PCDHA6: variants seen among roughly 807,000 people sequenced by gnomAD.
The protein encoded by PCDHA6 is protocadherin alpha-6.
In PCDHA6, 55 loss-of-function variants were observed where a neutral mutation model predicts 60.3. The ratio of observed to expected loss-of-function variants is 0.91; its 90% CI spans 0.73 to 1.14. The LOEUF is 1.14. Ranked by LOEUF, PCDHA6 falls within the 50% of genes most tolerant of loss-of-function variation. The pLI is 0.00. For synonymous variants in PCDHA6, 652 were observed against 557.9 expected, an observed-to-expected ratio of 1.17 and a Z score of -2.38; for missense variants, 1,327 against 1,256.5, an observed-to-expected ratio of 1.06 and a Z score of -0.85.
rs149731120 is a variant in PCDHA6 at position 140,857,612 on chromosome 5, C to T, written c.2394+27127C>T. On this transcript the variant is annotated intron_variant, in intron 1 of 3. Coordinates refer to ENST00000529310, the MANE Select transcript of PCDHA6 (RefSeq NM_018909.4). ...CGGCAAGGTGTACGCGCTGCAGCCGCTGGACCACGAGGAGCTGGAGCTGCT... is the reference window on the plus strand; with the variant it reads ...CGGCAAGGTGTACGCGCTGCAGCCGTTGGACCACGAGGAGCTGGAGCTGCT... 1.6e-4 allele frequency: 263 copies of T among 1,596,592 alleles called. 14 individuals carry two copies. Among genetic ancestry groups the T allele is most frequent in the African/African-American group, 1.5e-3 (115 of 74,450 alleles).
At chr5:140,949,628 C>G (rs974912926) in intron 1 of PCDHA6, among the ~76,000 whole-genome samples, 18 of 151,706 alleles carry the variant, frequency 1.2e-4, no homozygotes, top group African/African-American at 4.1e-4. Context: ...GTTTTCATGG[C>G]ATATTGCTTT....
intron 1 of PCDHA6, among the ~76,000 whole-genome samples, chr5:140,885,790 G>T (rs141648269): frequency 0.012 from 1,822 of 152,058 alleles, 11 homozygotes; most frequent in Non-Finnish European, 0.018. Context: ...TGAGCATATT[G>T]TCATATGTAT....
intron 1 of PCDHA6, chr5:140,836,883 T>C (rs2150270944): frequency 6.1e-6 from 4 of 659,750 alleles, no homozygotes; most frequent in Non-Finnish European, 9.8e-6. Flanking sequence ...TTTGCACTAA[T>C]TATTTGGAAG....
At chr5:140,969,588 T>A in intron 1 of PCDHA6, 1 of 849,870 alleles carries the variant, frequency 1.2e-6, no homozygotes, top group Non-Finnish European at 1.8e-6. Context: ...GGATTAGTCT[T>A]AATATTTAAT....
chr5:140,846,760 A>G (rs2150394532), intron 1 of PCDHA6, among the ~76,000 whole-genome samples: 3 of 149,554 alleles, frequency 2.0e-5, no homozygotes, highest in South Asian at 4.2e-4. Flanking sequence ...CTCTAACAGC[A>G]TATCATCATG....
intron 1 of PCDHA6, chr5:140,881,430 T>G: frequency 1.1e-6 from 1 of 889,582 alleles, no homozygotes; most frequent in Non-Finnish European, 1.3e-6. Flanking sequence ...TCCAGGCATA[T>G]TTTATAAAAA....
intron 1 of PCDHA6, chr5:140,858,002 G>C (rs782820218): frequency 6.3e-7 from 1 of 1,596,914 alleles, no homozygotes; most frequent in Admixed American, 1.7e-5. Flanking sequence ...GCTGGTGAAG[G>C]ACCATGGCGA....
At position 140,987,445 on chromosome 5, in the gene PCDHA6, G is replaced by A. The variant is rs141923390; in HGVS notation, c.2542+4882G>A. Among the ~76,000 whole-genome samples, 799 of 152,220 alleles carry A rather than the reference G, an allele frequency of 5.2e-3. 4 individuals carry two copies. The highest frequency in any genetic ancestry group is 0.018 in the African/African-American group (765 of 41,528). On this transcript the variant is annotated intron_variant, in intron 3 of 3. Transcript: ENST00000529310. ...AAGCAGGGGGCCTTTCCCCATGCCC[G>A]AGAGATAATTGTTAAGAGCTCAAGC...
At chr5:140,831,021 T>G in intron 1 of PCDHA6, 1 of 152,424 alleles carries the variant, frequency 6.6e-6, no homozygotes, top group Non-Finnish European at 1.5e-5. Context: ...CTTTTCAGAC[T>G]TGTGATTCCG....
rs782070226 is a variant in PCDHA6 at position 141,010,142 on chromosome 5, C to G, written c.*205C>G. 1 of 1,588,326 alleles carries G rather than the reference C, an allele frequency of 6.3e-7. No homozygotes were observed. Among genetic ancestry groups the G allele is most frequent in the South Asian group, 1.1e-5 (1 of 88,492 alleles). On this transcript the variant is annotated 3_prime_UTR_variant, in exon 4 of 4. Transcript: ENST00000529310. ...TTACTAAGTCTGGTGTTAACTCTTTCTCTCCACTCTGGCTTGTTTTCAGAA... is the reference window on the plus strand; with the variant it reads ...TTACTAAGTCTGGTGTTAACTCTTTGTCTCCACTCTGGCTTGTTTTCAGAA...
rs1562298867 is a variant in PCDHA6, at chr5:140,828,664, A to C, written c.573A>C (p.Gln191His). The change falls in exon 1 of 4, where the codon CAA becomes CAC. Residue 191 changes from glutamine (Q) to histidine (H), a missense_variant. By Grantham distance (24) the Gln-to-His change is conservative. Coordinates refer to ENST00000529310, the MANE Select transcript of PCDHA6 (RefSeq NM_018909.4). Reference protein sequence around the residue: ...DVKINSDDNKQIGLLLKKSLD... With the variant: ...DVKINSDDNKHIGLLLKKSLD... ...AAATAAACAGTGATGACAATAAACAAATTGGGCTCTTATTAAAGAAATCCT... is the reference window on the plus strand; with the variant it reads ...AAATAAACAGTGATGACAATAAACACATTGGGCTCTTATTAAAGAAATCCT... 1 of 1,614,094 alleles carries C rather than the reference A, an allele frequency of 6.2e-7. No homozygotes were observed. The highest frequency in any genetic ancestry group is 1.7e-5 in the Admixed American group (1 of 60,008).
chr5:140,929,589 G>T lies in PCDHA6; in HGVS notation c.2395-49360G>T, dbSNP rs183312863. 667 of 427,178 alleles carry T rather than the reference G, an allele frequency of 1.6e-3. 2 individuals are homozygous for T. The highest frequency in any genetic ancestry group is 3.3e-3 in the Admixed American group (76 of 23,230). The allele number at this position is 427,178 out of a possible 1,614,324, so 26.5% of individuals were successfully genotyped here. A position where few individuals can be genotyped will look rare whatever the true frequency, so the allele number is the denominator to read the frequency against. On this transcript the variant is annotated intron_variant, in intron 1 of 3. Coordinates refer to ENST00000529310, the MANE Select transcript of PCDHA6 (RefSeq NM_018909.4). ...AACAATAAAAGTAATATGACATAAA[G>T]GTCTAAAATTAAAAATAAAATACCA...
At chr5:140,994,789 G>A (rs901197365) in intron 3 of PCDHA6, among the ~76,000 whole-genome samples, 8 of 152,260 alleles carry the variant, frequency 5.3e-5, no homozygotes, top group South Asian at 4.1e-4. Flanking sequence ...GAAACAATGC[G>A]TGCATGCAAA....
chr5:140,837,818 A>C (rs1775271725), intron 1 of PCDHA6, among the ~76,000 whole-genome samples: 1 of 151,624 alleles, frequency 6.6e-6, no homozygotes, highest in Admixed American at 6.6e-5. Flanking sequence ...CTGGGAATAC[A>C]GTTTGCATGT....
In PCDHA6 at chr5:140,856,896, T is replaced by C. The variant is rs2044262669; in HGVS notation, c.2394+26411T>C. 1.3e-6 allele frequency: 2 copies of C among 1,596,700 alleles called. No homozygotes were observed. Among genetic ancestry groups the C allele is most frequent in the African/African-American group, 1.3e-5 (1 of 74,376 alleles). ...GAAATGATGTATTCATTTAGCTCTT[T>C]GGTCCCACCCACGATAAGAAGGAAA... is the stretch of plus-strand genomic sequence containing the variant. On this transcript the variant is annotated intron_variant, in intron 1 of 3. Transcript: ENST00000529310.
intron 1 of PCDHA6, among the ~76,000 whole-genome samples, chr5:140,947,834 A>G (rs2094182215): frequency 6.6e-6 from 1 of 151,584 alleles, no homozygotes; most frequent in Non-Finnish European, 1.5e-5. Flanking sequence ...CAATATTAAT[A>G]TTTGTTTATT....
In PCDHA6 at chr5:140,829,760, G is replaced by A. The variant is rs2150174077; in HGVS notation, c.1669G>A (p.Asp557Asn). 6.2e-7 allele frequency: 1 copy of A among 1,613,780 alleles called. No individual in the cohort carries two copies. The highest frequency in any genetic ancestry group is 1.7e-5 in the Admixed American group (1 of 60,008). The change falls in exon 1 of 4, where the codon GAC becomes AAC. Residue 557 changes from aspartate (D) to asparagine (N), a missense_variant. By Grantham distance (23) the Asp-to-Asn change is conservative (BLOSUM62 1). Transcript: ENST00000529310. ...CGTGACGCTGCAGGTGTTCGTGCTG[G>A]ACGAGAACGACAACGCGCCGGCGCT... ...SNVTLQVFVL[D>N]ENDNAPALLA...
chr5:140,941,304 CTTTT>C (rs2093021953), intron 1 of PCDHA6, among the ~76,000 whole-genome samples: 1 of 84,848 alleles, frequency 1.2e-5, no homozygotes, highest in African/African-American at 4.2e-5. Context: ...TTCTTTCTTT[CTTTT>C]TCTTCTTTCT....
intron 1 of PCDHA6, among the ~76,000 whole-genome samples, chr5:140,906,179 C>G (rs2072430767): frequency 1.3e-5 from 2 of 152,172 alleles, no homozygotes; most frequent in African/African-American, 4.8e-5. Flanking sequence ...TACTTTGCAT[C>G]CTTCAATCCA....
Sources: gnomAD v4.1 joint callset for allele counts (sites outside exome capture counted in the v4.1 genomes callset) on GRCh38, gnomAD v4.1.1 for gene constraint, MANE v1.5 for transcripts, NCBI Gene and HGNC (gene_info 2026-07-23, HGNC 2026-07-21) for gene names.